The following PPA1 variants were observed in gnomAD, a reference collection of about 807,000 sequenced individuals.
PPA1 encodes the protein inorganic pyrophosphatase 1.
A neutral mutation model predicts 41.8 loss-of-function variants in PPA1; 23 were observed. The ratio of observed to expected loss-of-function variants is 0.55; its 90% CI spans 0.40 to 0.78. The LOEUF is 0.78. Ranked by LOEUF, PPA1 falls within the 30% of genes least tolerant of loss-of-function variation. The pLI, the probability that PPA1 is intolerant of heterozygous loss-of-function variation, is 0.00. For synonymous variants in PPA1, 101 were observed against 116.8 expected, an observed-to-expected ratio of 0.86 and a Z score of 0.87; for missense variants, 320 against 361.6, an observed-to-expected ratio of 0.89 and a Z score of 0.93.
At chr10:70,232,410 C>A (rs1840298383) in intron 1 of PPA1, among the ~76,000 whole-genome samples, 1 of 152,080 alleles carries the variant, frequency 6.6e-6, no homozygotes, top group South Asian at 2.1e-4. Flanking sequence ...AAAGAAAAAC[C>A]CCAAGTAGCT....
At chr10:70,206,406 G>A in intron 8 of PPA1, 73 bp from the exon 9 acceptor site, 1 of 1,104,056 alleles carries the variant, frequency 9.1e-7, no homozygotes, top group East Asian at 2.5e-5. Flanking sequence ...AAAATGAGTT[G>A]AAAGTGGTTG....
chr10:70,207,798 G>A (rs1291977508), intron 8 of PPA1, among the ~76,000 whole-genome samples: 1 of 152,012 alleles, frequency 6.6e-6, no homozygotes, highest in Non-Finnish European at 1.5e-5. Flanking sequence ...CTAAAATATG[G>A]ATCATGTTTT....
At chr10:70,221,820 T>C (rs1302610214) in intron 2 of PPA1, among the ~76,000 whole-genome samples, 1 of 152,142 alleles carries the variant, frequency 6.6e-6, no homozygotes, top group Non-Finnish European at 1.5e-5. Flanking sequence ...ATATAGCAGA[T>C]AGAGCTAAAA....
intron 2 of PPA1, among the ~76,000 whole-genome samples, chr10:70,223,789 C>T (rs80080116): frequency 0.02 from 3,088 of 152,236 alleles, 97 homozygotes; most frequent in East Asian, 0.15. Flanking sequence ...TTTCGTACTA[C>T]CCAGTTACAA....
chr10:70,205,979 G>T, intron 9 of PPA1: 1 of 350,698 alleles, frequency 2.9e-6, no homozygotes, highest in Non-Finnish European at 5.4e-6. Context: ...ATGGGTCATA[G>T]GCACACAGGT....
At chr10:70,222,481 G>T (rs962126413) in intron 2 of PPA1, among the ~76,000 whole-genome samples, 1 of 151,842 alleles carries the variant, frequency 6.6e-6, no homozygotes, top group African/African-American at 2.4e-5. Context: ...TCTAGGCTCC[G>T]AAGACTAGCA....
In PPA1 at chr10:70,206,301, T is replaced by C. The variant is rs975254378; in HGVS notation, c.758A>G (p.Lys253Arg). ...GGCTCTGGCAGCATCAGGATCACAC[T>C]TGAAGGGGCTCTCAGACAAAGTTGT... ...MNTTLSESPFKCDPDAARAIV... is the reference protein window; with the variant it reads ...MNTTLSESPFRCDPDAARAIV... Residue 253 changes from lysine to arginine, a missense_variant, in exon 9 of 11, where the codon AAG (lysine) becomes AGG (arginine). Physicochemically the swap from Lys to Arg is conservative, Grantham distance 26. Transcript: ENST00000373232. 6.2e-7 allele frequency: 1 copy of C among 1,613,424 alleles called. No homozygotes were observed. The highest frequency in any genetic ancestry group is 2.2e-5 in the East Asian group (1 of 44,854).
intron 2 of PPA1, among the ~76,000 whole-genome samples, chr10:70,226,292 TG>T (rs1840229817): frequency 6.6e-6 from 1 of 152,180 alleles, no homozygotes; most frequent in Admixed American, 6.6e-5. Context: ...AATAAGCTGC[TG>T]GCTGGGTGTG....
At chr10:70,210,351 A>G (rs1248403649) in intron 6 of PPA1, 1 of 1,362,094 alleles carries the variant, frequency 7.3e-7, no homozygotes, top group Non-Finnish European at 9.8e-7. Context: ...CACTGGGATT[A>G]CAGGCTTGAG....
intron 6 of PPA1, among the ~76,000 whole-genome samples, chr10:70,211,220 T>C (rs909571212): frequency 1.3e-5 from 2 of 152,192 alleles, no homozygotes; most frequent in East Asian, 1.9e-4. Context: ...TCACCTGATA[T>C]AGAAATAATT....
At chr10:70,227,221 G>A (rs1840238817) in intron 2 of PPA1, among the ~76,000 whole-genome samples, 1 of 152,202 alleles carries the variant, frequency 6.6e-6, no homozygotes, top group Non-Finnish European at 1.5e-5. Flanking sequence ...AATATCCAGT[G>A]AGCCCTTGCC....
At chr10:70,223,965 C>T (rs1840202633) in intron 2 of PPA1, among the ~76,000 whole-genome samples, 1 of 152,124 alleles carries the variant, frequency 6.6e-6, no homozygotes, top group Non-Finnish European at 1.5e-5. Flanking sequence ...GCTCTCAGCT[C>T]TCTGTTAACA....
chr10:70,230,225 A>G, intron 2 of PPA1, 116 bp downstream of exon 2: 8 of 1,224,776 alleles, frequency 6.5e-6, no homozygotes, highest in Non-Finnish European at 7.0e-6. Flanking sequence ...ACAGACCTTT[A>G]GCTCACAGCA....
rs67974203 is a variant in PPA1, at chr10:70,222,335, CAAAA to C, written c.124-3522_124-3519del. 8.2e-5 allele frequency among the ~76,000 whole-genome samples: 6 copies of C among 73,160 alleles called. No individual in the cohort carries two copies. The South Asian group carries it at 2.6e-3, about 31-fold the overall frequency. The allele number at this position is 73,160 out of a possible 152,430, so 48.0% of individuals were successfully genotyped here. A position where few individuals can be genotyped will look rare whatever the true frequency, so the allele number is the denominator to read the frequency against. On this transcript the variant is annotated intron_variant, in intron 2 of 10. Coordinates refer to ENST00000373232, the MANE Select transcript of PPA1 (RefSeq NM_021129.4). Reference sequence around the variant, plus strand: ...TGGGCCACAGAGCAAGACTCCGTCTCAAAAAAAAAAAAAAAAAAAAAAAAGAAAT... The same window carrying C: ...TGGGCCACAGAGCAAGACTCCGTCTCAAAAAAAAAAAAAAAAAAAAGAAAT...
rs1839997236 is a variant in PPA1, at chr10:70,209,874, A to G, written c.512-189T>C. The G allele has an allele frequency of 4.7e-6, 3 of 633,206 alleles. No individual in the cohort carries two copies. The Admixed American group carries it at 9.9e-5, about 21-fold the overall frequency. 39.2% of individuals were successfully genotyped at this position (633,206 alleles called of 1,614,324 possible). ...AACATTGGAGCGAAGCCCCTTGTTG[A>G]GAAGAGAAGCCATACACATATACAT... is the stretch of plus-strand genomic sequence containing the variant. On this transcript the variant is annotated intron_variant, in intron 6 of 10. Transcript: ENST00000373232.
At chr10:70,204,482 T>C in intron 10 of PPA1, 1 of 163,138 alleles carries the variant, frequency 6.1e-6, no homozygotes, top group Non-Finnish European at 1.3e-5. Context: ...AAAAGGTAAA[T>C]TCATAGAGGT....
At chr10:70,218,533 A>G (rs1351775208) in intron 3 of PPA1, 9 of 508,090 alleles carry the variant, frequency 1.8e-5, no homozygotes, top group Non-Finnish European at 3.1e-5. Flanking sequence ...CTTTGGGAAC[A>G]TTGGAAGCAA....
At position 70,212,659 on chromosome 10, in the gene PPA1, G is replaced by C. The variant is rs373066500; in HGVS notation, c.511+804C>G. On this transcript the variant is annotated intron_variant, in intron 6 of 10. Coordinates refer to ENST00000373232, the MANE Select transcript of PPA1 (RefSeq NM_021129.4). ...TAGGTAGAATAGGCAAAGCTATAAA[G>C]ACAAAAAGCAGATTAGTGGCTGCCA... is the stretch of plus-strand genomic sequence containing the variant. 2.6e-5 allele frequency among the ~76,000 whole-genome samples: 4 copies of C among 152,154 alleles called. No homozygotes were observed. The East Asian group carries it at 7.7e-4, about 29-fold the overall frequency.
chr10:70,224,820 T>C (rs994411064), intron 2 of PPA1, among the ~76,000 whole-genome samples: 2 of 152,148 alleles, frequency 1.3e-5, no homozygotes, highest in Non-Finnish European at 2.9e-5. Context: ...AACCTCCGTC[T>C]CCCGGGTTCA....
Sources: gnomAD v4.1 joint callset for allele counts (sites outside exome capture counted in the v4.1 genomes callset) on GRCh38, gnomAD v4.1.1 for gene constraint, MANE v1.5 for transcripts, NCBI Gene and HGNC (gene_info 2026-07-23, HGNC 2026-07-21) for gene names.